Variants in SMURF1 observed in about 807,000 individuals in gnomAD.
SMURF1 encodes SMAD specific E3 ubiquitin protein ligase 1.
In SMURF1, 44 loss-of-function variants were observed where a neutral mutation model predicts 98.0. That is an observed-to-expected ratio of 0.45 (90% CI 0.35 to 0.58). The LOEUF is 0.58. Among genes scored for constraint, SMURF1 ranks in the 20% least tolerant of loss-of-function variants. The pLI is 0.00. For synonymous variants in SMURF1, 396 were observed against 374.9 expected (o/e 1.06, Z -0.65); for missense variants, 687 against 938.4 (o/e 0.73, Z 3.50).
chr7:99,132,800 G>T (rs985909424), intron 1 of SMURF1, among the ~76,000 whole-genome samples: 2 of 151,828 alleles, frequency 1.3e-5, no homozygotes, highest in Non-Finnish European at 1.5e-5. Context: ...GGAGAATAAG[G>T]CAGAACCTGG....
At chr7:99,073,582 T>C (rs1335769395) in intron 1 of SMURF1, among the ~76,000 whole-genome samples, 1 of 151,686 alleles carries the variant, frequency 6.6e-6, no homozygotes, top group Non-Finnish European at 1.5e-5. Flanking sequence ...CTGGCCAACA[T>C]GGTGAAACCC....
chr7:99,061,913 G>A (rs769705648), intron 1 of SMURF1, 76 bp from the exon 2 acceptor site: 36 of 1,053,464 alleles, frequency 3.4e-5, no homozygotes, highest in African/African-American at 6.5e-5. Flanking sequence ...ATTTACACCC[G>A]AACAAAAAGA....
chr7:99,064,623 CAT>C (rs1210836971), intron 1 of SMURF1, among the ~76,000 whole-genome samples: 3 of 152,180 alleles, frequency 2.0e-5, no homozygotes, highest in Non-Finnish European at 4.4e-5. Context: ...TGATTTCACC[CAT>C]GTTATCAAAT....
At position 99,030,519 on chromosome 7, in the gene SMURF1, G is replaced by A. The variant is rs895735017; in HGVS notation, c.*65C>T. 3.7e-6 allele frequency: 5 copies of A among 1,339,186 alleles called. No homozygotes were observed. The highest frequency in any genetic ancestry group is 1.7e-5 in the Admixed American group (1 of 58,842). The allele number at this position is 1,339,186 out of a possible 1,614,324, so 83.0% of individuals were successfully genotyped here. On this transcript the variant is annotated 3_prime_UTR_variant, in exon 18 of 18. Coordinates refer to ENST00000361368, the MANE Select transcript of SMURF1 (RefSeq NM_181349.3). ...GGCCTCTGCCAGCTTTGCAGGAGGT[G>A]CACAGAAGCTGGATGCTTTTGGTCT...
intron 1 of SMURF1, among the ~76,000 whole-genome samples, chr7:99,086,440 G>T (rs1203732830): frequency 6.6e-6 from 1 of 150,860 alleles, no homozygotes; most frequent in Middle Eastern, 3.2e-3. Context: ...GGAGAAACTG[G>T]AACACTCCTA....
At chr7:99,143,633 G>A in intron 1 of SMURF1, 93 bp downstream of exon 1, 1 of 1,115,960 alleles carries the variant, frequency 9.0e-7, no homozygotes, top group Non-Finnish European at 1.2e-6. Flanking sequence ...AACGGCCGGC[G>A]TGGGGGAGGG....
chr7:99,065,659 C>G lies in SMURF1; in HGVS notation c.56-3822G>C, dbSNP rs554837592. On this transcript the variant is annotated intron_variant, in intron 1 of 17. Transcript: ENST00000361368. The stretch of plus-strand genomic sequence containing the variant: ...ATCTCAACAGCTCTCATATAAAATT[C>G]CAAGTGTCCAAAACTGAAGTTCTTC... Among the ~76,000 whole-genome samples, 4 of 152,266 alleles carry G rather than the reference C, an allele frequency of 2.6e-5. No individual in the cohort carries two copies. The South Asian group carries it at 8.3e-4, about 32-fold the overall frequency.
In SMURF1 at chr7:99,038,459, G is replaced by C. The variant is rs759672804; in HGVS notation, c.1617C>G (p.Ile539Met). Residue 539 changes from isoleucine (I) to methionine (M), a missense_variant, in exon 14 of 18, where the codon ATC becomes ATG. Ile to Met is a conservative substitution (Grantham distance 10). Transcript: ENST00000361368. ...CATTGGGTTTCAGTTCATGCTGCAG[G>C]ATCCGCCCGAAGGCGTTGTGTTCCA... is the stretch of plus-strand genomic sequence containing the variant. ...FCVEHNAFGR[I>M]LQHELKPNGR... 1 of 1,614,134 alleles carries C rather than the reference G, an allele frequency of 6.2e-7. No homozygotes were observed. Among genetic ancestry groups the C allele is most frequent in the Admixed American group, 1.7e-5 (1 of 60,010 alleles).
At chr7:99,131,464 G>A (rs752948713) in intron 1 of SMURF1, among the ~76,000 whole-genome samples, 4 of 151,810 alleles carry the variant, frequency 2.6e-5, no homozygotes, top group Non-Finnish European at 5.9e-5. Flanking sequence ...CAAGGAAATG[G>A]GTAGGTGGGT....
intron 3 of SMURF1, among the ~76,000 whole-genome samples, chr7:99,059,393 A>G (rs1436654405): frequency 7.2e-6 from 1 of 138,254 alleles, no homozygotes; most frequent in Non-Finnish European, 1.5e-5. Context: ...GCAAGACTCC[A>G]TCTCAAAAAA....
chr7:99,063,543 G>A (rs1182916233), intron 1 of SMURF1, among the ~76,000 whole-genome samples: 1 of 149,908 alleles, frequency 6.7e-6, no homozygotes, highest in Non-Finnish European at 1.5e-5. Context: ...TCCCAACTTC[G>A]CCCCACAAAG....
At chr7:99,044,497 ACAG>A (rs984748108) in intron 11 of SMURF1, among the ~76,000 whole-genome samples, 2 of 152,252 alleles carry the variant, frequency 1.3e-5, no homozygotes, top group Admixed American at 6.5e-5. Context: ...AATTTTGGTT[ACAG>A]AAGAGAATGT....
At chr7:99,102,351 T>C (rs1797102070) in intron 1 of SMURF1, among the ~76,000 whole-genome samples, 1 of 152,246 alleles carries the variant, frequency 6.6e-6, no homozygotes, top group African/African-American at 2.4e-5. Context: ...ATGGCAAATT[T>C]TATAATGTGT....
chr7:99,059,594 A>G (rs1341597900), intron 3 of SMURF1, among the ~76,000 whole-genome samples: 1 of 152,092 alleles, frequency 6.6e-6, no homozygotes, highest in East Asian at 1.9e-4. Flanking sequence ...TTCAAAGTCA[A>G]CAGAAACATA....
At chr7:99,059,182 G>A (rs1357823538) in intron 3 of SMURF1, among the ~76,000 whole-genome samples, 1 of 151,478 alleles carries the variant, frequency 6.6e-6, no homozygotes, top group African/African-American at 2.4e-5. Flanking sequence ...GGCGGATCAC[G>A]AGGTCAGGAG....
chr7:99,035,225 A>C (rs1361596265), intron 16 of SMURF1, among the ~76,000 whole-genome samples: 2 of 152,138 alleles, frequency 1.3e-5, no homozygotes, highest in Non-Finnish European at 2.9e-5. Context: ...AGACACTCTG[A>C]AGGCCCCTGC....
chr7:99,092,185 A>G (rs1796828079), intron 1 of SMURF1, among the ~76,000 whole-genome samples: 1 of 152,224 alleles, frequency 6.6e-6, no homozygotes, highest in South Asian at 2.1e-4. Flanking sequence ...ACTATCACCT[A>G]TCGAGGACTC....
chr7:99,090,964 T>G (rs954133638), intron 1 of SMURF1, among the ~76,000 whole-genome samples: 1 of 152,184 alleles, frequency 6.6e-6, no homozygotes, highest in African/African-American at 2.4e-5. Context: ...CTGCCTGTGT[T>G]TGTAAATAAA....
chr7:99,057,606 T>TG, intron 3 of SMURF1, 55 bp from the exon 4 acceptor site: 2 of 939,746 alleles, frequency 2.1e-6, no homozygotes, highest in East Asian at 4.1e-5. Context: ...TTTTGTTTTG[T>TG]TTTTTTTTTT....
Sources: gnomAD v4.1 joint callset for allele counts (sites outside exome capture counted in the v4.1 genomes callset) on GRCh38, gnomAD v4.1.1 for gene constraint, MANE v1.5 for transcripts, NCBI Gene and HGNC (gene_info 2026-07-23, HGNC 2026-07-21) for gene names.